Variants in RER1 observed in about 807,000 individuals in gnomAD.
RER1 encodes the protein retention in endoplasmic reticulum sorting receptor 1, also known as protein RER1.
Under a neutral mutation model 28.3 loss-of-function variants are expected in RER1, and 6 were observed. That is an observed-to-expected ratio of 0.21 (90% CI 0.12 to 0.42). The LOEUF is 0.42. Among genes scored for constraint, RER1 ranks in the 10% least tolerant of loss-of-function variants. The probability of loss-of-function intolerance (pLI) is 1.00; values close to 1 mark genes in which losing one functional copy is unlikely to be tolerated. For missense variants in RER1, 159 were observed against 252.9 expected (o/e 0.63, Z 2.52); for synonymous variants, 110 against 95.9 (o/e 1.15, Z -0.86).
At position 2,401,550 on chromosome 1, in the gene RER1, G is replaced by A. The variant is rs188730509; in HGVS notation, c.365+615G>A. ...GCACGGGTAGGCAGAGGTGGGTGGT[G>A]CAGCCGTCAGAGGGACGGGAGCGTG... On this transcript the variant is annotated intron_variant, in intron 5 of 6. Coordinates refer to ENST00000605895, the MANE Select transcript of RER1 (RefSeq NM_007033.5). Among the ~76,000 whole-genome samples the A allele has an allele frequency of 5.7e-3, 854 of 150,996 alleles. 10 individuals are homozygous for A. Among genetic ancestry groups the A allele is most frequent in the African/African-American group, 0.019 (791 of 41,012 alleles).
intron 1 of RER1, among the ~76,000 whole-genome samples, chr1:2,393,430 T>C (rs1176415606): frequency 6.6e-6 from 1 of 152,028 alleles, no homozygotes; most frequent in East Asian, 1.9e-4. Context: ...GTGTGGGCGG[T>C]AACGGAGGCC....
At position 2,400,783 on chromosome 1, in the gene RER1, C is replaced by T; in HGVS notation, c.287-74C>T. On this transcript the variant is annotated intron_variant, in intron 4 of 6. Coordinates refer to ENST00000605895, the MANE Select transcript of RER1 (RefSeq NM_007033.5). ...ATTTGTGAGGCCTGCTAGTCCAAAGCCTTGAGGGGAAAAGGTAGAACTGTG... is the reference window on the plus strand; with the variant it reads ...ATTTGTGAGGCCTGCTAGTCCAAAGTCTTGAGGGGAAAAGGTAGAACTGTG... 4.0e-6 allele frequency: 5 copies of T among 1,260,812 alleles called. No homozygotes were observed. The South Asian group carries it at 6.0e-5, about 15-fold the overall frequency. The allele number at this position is 1,260,812 out of a possible 1,614,324, so 78.1% of individuals were successfully genotyped here.
At chr1:2,396,589 A>T (rs1642771089) in intron 2 of RER1, among the ~76,000 whole-genome samples, 2 of 152,266 alleles carry the variant, frequency 1.3e-5, no homozygotes, top group South Asian at 4.1e-4. Flanking sequence ...ATATTTGTAA[A>T]AATAAATACA....
chr1:2,393,685 CAG>C (rs887886763), intron 1 of RER1, among the ~76,000 whole-genome samples: 13 of 152,318 alleles, frequency 8.5e-5, no homozygotes, highest in African/African-American at 3.1e-4. Flanking sequence ...GTCACACTGG[CAG>C]AGAGTGGTAG....
At chr1:2,394,859 C>T (rs1439983336) in intron 1 of RER1, 1 of 152,234 alleles carries the variant, frequency 6.6e-6, no homozygotes. Context: ...GCCAGGAGGC[C>T]TCTCATCTTT....
At chr1:2,401,830 T>C in intron 5 of RER1, 3 of 555,054 alleles carry the variant, frequency 5.4e-6, no homozygotes, top group South Asian at 4.8e-5. Context: ...GGAGCACTGG[T>C]GGCCATGCCA....
chr1:2,403,298 A>C lies in RER1; in HGVS notation c.*174A>C, dbSNP rs1642900982. ...AGGTTCTAGAAGAAACTGGCGCTTA[A>C]ACCAAATCGCATGGATTTCTTTTTC... On this transcript the variant is annotated 3_prime_UTR_variant, in exon 7 of 7. Transcript: ENST00000605895. The C allele has an allele frequency of 1.7e-6, 1 of 574,026 alleles. No individual in the cohort carries two copies. The highest frequency in any genetic ancestry group is 2.0e-5 in the South Asian group (1 of 49,866). 35.6% of individuals were successfully genotyped at this position (574,026 alleles called of 1,614,324 possible). A position where few individuals can be genotyped will look rare whatever the true frequency, so the allele number is the denominator to read the frequency against.
intron 1 of RER1, chr1:2,393,322 C>T (rs893299692): frequency 2.6e-5 from 4 of 152,224 alleles, no homozygotes; most frequent in Non-Finnish European, 4.4e-5. Context: ...GAGCTTCATT[C>T]TAGCAGGAGA....
intron 6 of RER1, 42 bp from the exon 7 acceptor site, chr1:2,402,993 A>T: frequency 6.6e-7 from 1 of 1,521,556 alleles, no homozygotes; most frequent in Non-Finnish European, 9.1e-7. Flanking sequence ...GACTGACTGG[A>T]GAGCGGTTGT....
chr1:2,392,927 C>A (rs138107444), intron 1 of RER1, among the ~76,000 whole-genome samples: 1 of 76,882 alleles, frequency 1.3e-5, no homozygotes, highest in East Asian at 4.0e-4. Flanking sequence ...CTGAACAACA[C>A]CAGAGGCGTG....
intron 5 of RER1, among the ~76,000 whole-genome samples, chr1:2,401,581 C>T (rs1380049720): frequency 6.6e-6 from 1 of 150,714 alleles, no homozygotes; most frequent in Non-Finnish European, 1.5e-5. Context: ...GCGTGTGCAT[C>T]CGTTTGTCTT....
chr1:2,393,906 G>C (rs1642730265), intron 1 of RER1: 1 of 152,248 alleles, frequency 6.6e-6, no homozygotes, highest in Non-Finnish European at 1.5e-5. Flanking sequence ...CAGTTGGAGA[G>C]TGAGAAGTTC....
chr1:2,402,896 G>T, intron 6 of RER1, 139 bp from the exon 7 acceptor site: 1 of 684,956 alleles, frequency 1.5e-6, no homozygotes, highest in South Asian at 1.8e-5. Flanking sequence ...TGATGTGGGC[G>T]CAGGAAGCCA....
chr1:2,393,099 T>A (rs567497784), intron 1 of RER1: 1 of 152,502 alleles, frequency 6.6e-6, no homozygotes, highest in African/African-American at 2.4e-5. Context: ...TGTGGATGAA[T>A]GTGACGGGCC....
intron 1 of RER1, chr1:2,394,031 A>G (rs2100395930): frequency 6.6e-6 from 1 of 152,312 alleles, no homozygotes; most frequent in East Asian, 1.9e-4. Context: ...GTCTGAGTAA[A>G]ACGGGGAAAC....
Position 2,403,357 on chromosome 1 carries a change from C to G in RER1, c.*233C>G. On this transcript the variant is annotated 3_prime_UTR_variant, in exon 7 of 7. Coordinates refer to ENST00000605895, the MANE Select transcript of RER1 (RefSeq NM_007033.5). ...TCAAGTGTTTCTCACGGATGGAATT[C>G]TAGTCAGCTGCAGGCGGGAAGCCAG... The G allele has an allele frequency of 2.2e-6, 1 of 461,396 alleles. No individual in the cohort carries two copies. Among genetic ancestry groups the G allele is most frequent in the Non-Finnish European group, 4.0e-6 (1 of 250,146 alleles). 28.6% of individuals were successfully genotyped at this position (461,396 alleles called of 1,614,324 possible). A position where few individuals can be genotyped will look rare whatever the true frequency, so the allele number is the denominator to read the frequency against.
chr1:2,403,518 A>G lies in RER1; in HGVS notation c.*394A>G. 3.5e-6 allele frequency: 1 copy of G among 286,940 alleles called. No individual in the cohort carries two copies. The highest frequency in any genetic ancestry group is 6.8e-6 in the Non-Finnish European group (1 of 146,802). The allele number at this position is 286,940 out of a possible 1,614,324, so 17.8% of individuals were successfully genotyped here. ...TTCCCCAGCAGCCGCAGGTGGTGCCAGCCACTCCACAGAGCCCGAGGGATG... is the reference window on the plus strand; with the variant it reads ...TTCCCCAGCAGCCGCAGGTGGTGCCGGCCACTCCACAGAGCCCGAGGGATG... On this transcript the variant is annotated 3_prime_UTR_variant, in exon 7 of 7. Coordinates refer to ENST00000605895, the MANE Select transcript of RER1 (RefSeq NM_007033.5).
rs1350173407 is a variant in RER1, at chr1:2,403,430, GC to G, written c.*308del. ...AGGGCGAGTGGCCGGTCCCCGCTGT[GC>G]CAGGTGGGCAGGCAGGAGCAAGGCC... is the stretch of plus-strand genomic sequence containing the variant. On this transcript the variant is annotated 3_prime_UTR_variant, in exon 7 of 7. Transcript: ENST00000605895. 2.8e-6 allele frequency: 1 copy of G among 353,880 alleles called. No homozygotes were observed. The highest frequency in any genetic ancestry group is 2.2e-5 in the African/African-American group (1 of 46,490). 21.9% of individuals were successfully genotyped at this position (353,880 alleles called of 1,614,324 possible).
rs759617739 is a variant in RER1, at chr1:2,405,206, C to G, written c.*2082C>G. On this transcript the variant is annotated 3_prime_UTR_variant, in exon 7 of 7. Coordinates refer to ENST00000605895, the MANE Select transcript of RER1 (RefSeq NM_007033.5). ...GGCCTTGGTTGGTTTCTCTCTGCCCCGTGTGGTCATCAAGTCCTGGGGGAT... is the reference window on the plus strand; with the variant it reads ...GGCCTTGGTTGGTTTCTCTCTGCCCGGTGTGGTCATCAAGTCCTGGGGGAT... 9.7e-6 allele frequency: 2 copies of G among 205,808 alleles called. No individual in the cohort carries two copies. Among genetic ancestry groups the G allele is most frequent in the Non-Finnish European group, 2.0e-5 (2 of 100,042 alleles). 12.7% of individuals were successfully genotyped at this position (205,808 alleles called of 1,614,324 possible). A position where few individuals can be genotyped will look rare whatever the true frequency, so the allele number is the denominator to read the frequency against.
Sources: allele counts gnomAD v4.1 joint callset (sites outside exome capture counted in the v4.1 genomes callset), GRCh38; gene constraint gnomAD v4.1.1; transcripts MANE v1.5; gene names NCBI Gene and HGNC (gene_info 2026-07-23, HGNC 2026-07-21).